The following AUTS2 variants were observed in gnomAD, a reference collection of about 807,000 sequenced individuals.
AUTS2 encodes the protein autism susceptibility gene 2 protein.
A neutral mutation model predicts 112.4 loss-of-function variants in AUTS2; 17 were observed. The observed-to-expected ratio is 0.15, with a 90% CI of 0.10 to 0.23. AUTS2 has a LOEUF of 0.23. Ranked by LOEUF, AUTS2 falls within the 10% of genes least tolerant of loss-of-function variation. The pLI, the probability that AUTS2 is intolerant of heterozygous loss-of-function variation, is 1.00. For missense variants in AUTS2, 1,510 were observed against 1,701.6 expected (o/e 0.89, Z 1.98); for synonymous variants, 751 against 702.7 (o/e 1.07, Z -1.09).
At chr7:70,299,071 T>C (rs1438498453) in intron 4 of AUTS2, among the ~76,000 whole-genome samples, 3 of 152,242 alleles carry the variant, frequency 2.0e-5, no homozygotes, top group African/African-American at 7.2e-5. Flanking sequence ...CATTCTTCTT[T>C]TGGAGAAATA....
intron 1 of AUTS2, among the ~76,000 whole-genome samples, chr7:69,662,980 C>T (rs998375356): frequency 6.6e-6 from 1 of 152,126 alleles, no homozygotes; most frequent in Non-Finnish European, 1.5e-5. Flanking sequence ...AAAATAGTTG[C>T]TTTTTACAAG....
intron 1 of AUTS2, among the ~76,000 whole-genome samples, chr7:69,738,338 A>G (rs1010791913): frequency 6.6e-6 from 1 of 151,944 alleles, no homozygotes; most frequent in African/African-American, 2.4e-5. Flanking sequence ...TGTTCGTGGT[A>G]TTTTATGTGA....
At chr7:70,088,343 C>G (rs529604801) in intron 2 of AUTS2, among the ~76,000 whole-genome samples, 1 of 151,592 alleles carries the variant, frequency 6.6e-6, no homozygotes. Flanking sequence ...TAGCCAGGAT[C>G]GTCTCGATTT....
intron 4 of AUTS2, among the ~76,000 whole-genome samples, chr7:70,382,661 CATT>C (rs1450867202): frequency 2.6e-5 from 4 of 152,176 alleles, no homozygotes; most frequent in African/African-American, 7.2e-5. Context: ...TATCTGGACT[CATT>C]ATGCAGCTTT....
chr7:69,766,820 C>A (rs752625255), intron 1 of AUTS2, among the ~76,000 whole-genome samples: 2 of 152,218 alleles, frequency 1.3e-5, no homozygotes, highest in Non-Finnish European at 2.9e-5. Flanking sequence ...TGGTGCCATG[C>A]TTCTCACTTT....
At chr7:70,160,597 G>A (rs540461054) in intron 4 of AUTS2, among the ~76,000 whole-genome samples, 1 of 152,272 alleles carries the variant, frequency 6.6e-6, no homozygotes, top group Admixed American at 6.5e-5. Context: ...TTTCACACAA[G>A]TGTAAGCTTT....
intron 4 of AUTS2, among the ~76,000 whole-genome samples, chr7:70,346,070 A>G (rs1399446452): frequency 6.6e-6 from 1 of 152,062 alleles, no homozygotes; most frequent in Non-Finnish European, 1.5e-5. Context: ...TCTCATGCTC[A>G]TGGATCTCCA....
chr7:70,257,999 T>C lies in AUTS2; in HGVS notation c.660+123428T>C, dbSNP rs370444548. Reference sequence around the variant, plus strand: ...AATGTGGCACAGTTGTGGCTCTGCATCTTGTGTGTGACTGCTGCCCTGTTT... The same window carrying C: ...AATGTGGCACAGTTGTGGCTCTGCACCTTGTGTGTGACTGCTGCCCTGTTT... On this transcript the variant is annotated intron_variant, in intron 4 of 18. Coordinates refer to ENST00000342771, the MANE Select transcript of AUTS2 (RefSeq NM_015570.4). Among the ~76,000 whole-genome samples the C allele has an allele frequency of 2.6e-4, 40 of 152,336 alleles. 1 individual carries two copies. In the East Asian group the frequency reaches 7.7e-3, roughly 29 times the overall value.
At chr7:70,243,285 G>GTATA (rs1408677302) in intron 4 of AUTS2, among the ~76,000 whole-genome samples, 1 of 130,838 alleles carries the variant, frequency 7.6e-6, no homozygotes, top group Non-Finnish European at 1.7e-5. Context: ...GTGTGTATGA[G>GTATA]TATATATATA....
intron 1 of AUTS2, among the ~76,000 whole-genome samples, chr7:69,869,985 C>T (rs1298802903): frequency 6.6e-6 from 1 of 152,098 alleles, no homozygotes; most frequent in African/African-American, 2.4e-5. Context: ...CTAAAAAGTA[C>T]TTGGATAATT....
Position 69,713,588 on chromosome 7 carries a change from C to G in AUTS2, c.309+113626C>G, listed in dbSNP as rs569482280. Reference sequence around the variant, plus strand: ...AGATCCTCCTGTCTCAGCCTCCTGACTAGCTGGGATTACAGGTATGTGCCA... The same window carrying G: ...AGATCCTCCTGTCTCAGCCTCCTGAGTAGCTGGGATTACAGGTATGTGCCA... On this transcript the variant is annotated intron_variant, in intron 1 of 18. Transcript: ENST00000342771. 4.6e-5 allele frequency among the ~76,000 whole-genome samples: 7 copies of G among 151,480 alleles called. No individual in the cohort carries two copies. The East Asian group carries it at 1.4e-3, about 30-fold the overall frequency.
At chr7:70,316,624 C>G (rs942375637) in intron 4 of AUTS2, among the ~76,000 whole-genome samples, 38 of 152,130 alleles carry the variant, frequency 2.5e-4, no homozygotes, top group African/African-American at 9.2e-4. Context: ...GTCTCGAACT[C>G]CTGGCCTCAA....
intron 17 of AUTS2, 47 bp from the exon 18 acceptor site, chr7:70,787,162 T>G: frequency 6.3e-7 from 1 of 1,580,104 alleles, no homozygotes; most frequent in Non-Finnish European, 8.7e-7. Flanking sequence ...TACAGCAGAT[T>G]ATATAATTTC....
intron 1 of AUTS2, among the ~76,000 whole-genome samples, chr7:69,690,935 A>C (rs1326695906): frequency 2.0e-5 from 3 of 152,160 alleles, no homozygotes; most frequent in African/African-American, 7.2e-5. Context: ...AGGAGATCAG[A>C]AGTGGGTAGC....
At chr7:70,696,338 T>A (rs1809098473) in intron 5 of AUTS2, among the ~76,000 whole-genome samples, 1 of 152,148 alleles carries the variant, frequency 6.6e-6, no homozygotes. Context: ...AGAGCCCCAT[T>A]GCAGTCGTCA....
intron 4 of AUTS2, among the ~76,000 whole-genome samples, chr7:70,206,209 A>G (rs544399553): frequency 1.3e-5 from 2 of 152,264 alleles, no homozygotes; most frequent in Admixed American, 6.5e-5. Context: ...AACACTTTCT[A>G]ATAAGAGTTC....
chr7:69,927,215 A>G (rs1796056485), intron 2 of AUTS2, among the ~76,000 whole-genome samples: 1 of 142,380 alleles, frequency 7.0e-6, no homozygotes, highest in Non-Finnish European at 1.6e-5. Context: ...TACATACTAT[A>G]TATATCTTTA....
rs538093038 is a variant in AUTS2, at chr7:69,993,871, G to A, written c.522+94373G>A. Reference sequence around the variant, plus strand: ...TGAAAGTCTAATGCAGAATAAAGTAGTAGTAGTTATCCCCTGGCAGAGTAA... The same window carrying A: ...TGAAAGTCTAATGCAGAATAAAGTAATAGTAGTTATCCCCTGGCAGAGTAA... On this transcript the variant is annotated intron_variant, in intron 2 of 18. Transcript: ENST00000342771. 8.5e-5 allele frequency among the ~76,000 whole-genome samples: 13 copies of A among 152,242 alleles called. No homozygotes were observed. In the South Asian group the frequency reaches 2.7e-3, roughly 32 times the overall value.
chr7:69,706,621 T>G (rs1319652069), intron 1 of AUTS2, among the ~76,000 whole-genome samples: 1 of 152,224 alleles, frequency 6.6e-6, no homozygotes, highest in African/African-American at 2.4e-5. Flanking sequence ...CCAAACCTTT[T>G]ATGAGGAGTT....
Sources: allele counts gnomAD v4.1 joint callset (sites outside exome capture counted in the v4.1 genomes callset), GRCh38; gene constraint gnomAD v4.1.1; transcripts MANE v1.5; gene names NCBI Gene and HGNC (gene_info 2026-07-23, HGNC 2026-07-21).